SLC2A8: variants seen among roughly 807,000 people sequenced by gnomAD.
The protein encoded by SLC2A8 is solute carrier family 2 member 8.
SLC2A8 carries 53 observed loss-of-function variants against 49.2 expected under a neutral mutation model. That is an observed-to-expected ratio of 1.08 (90% CI 0.86 to 1.35). The LOEUF (loss-of-function observed/expected upper bound fraction) is 1.35. SLC2A8 is among the 40% of genes most tolerant of loss of function. The pLI is 0.00. For missense variants in SLC2A8, 688 were observed against 671.7 expected (o/e 1.02, Z -0.27); for synonymous variants, 299 against 297.0 (o/e 1.01, Z -0.07).
intron 3 of SLC2A8, among the ~76,000 whole-genome samples, chr9:127,398,943 A>G (rs1330747536): frequency 5.9e-5 from 9 of 152,228 alleles, no homozygotes; most frequent in Non-Finnish European, 1.5e-5. Context: ...CATTTCACCA[A>G]CGTTTGCTAA....
chr9:127,397,535 C>T lies in SLC2A8; in HGVS notation c.216C>T (p.Phe72=). The change falls in exon 2 of 10, where the codon TTC becomes TTT. Residue 72 remains phenylalanine (F), a synonymous_variant. Transcript: ENST00000373371. ...PRLDDAAASW[F]GAVVTLGAAA... ...TGGACGACGCCGCCGCCTCCTGGTT[C>T]GGGGTGAGGCCCCGGGCTCGCTCCT... 1.4e-6 allele frequency: 2 copies of T among 1,410,334 alleles called. No homozygotes were observed. The highest frequency in any genetic ancestry group is 1.5e-5 in the South Asian group (1 of 65,160). The allele number at this position is 1,410,334 out of a possible 1,614,324, so 87.4% of individuals were successfully genotyped here. A position where few individuals can be genotyped will look rare whatever the true frequency, so the allele number is the denominator to read the frequency against.
At chr9:127,405,379 TGCGGA>T (rs1455021944) in intron 8 of SLC2A8, 36 bp from the exon 9 acceptor site, 1 of 1,604,260 alleles carries the variant, frequency 6.2e-7, no homozygotes, top group South Asian at 1.1e-5. Flanking sequence ...AGCCCAGCCC[TGCGGA>T]CCCTGATGCC....
chr9:127,398,466 C>T, intron 3 of SLC2A8: 3 of 543,770 alleles, frequency 5.5e-6, no homozygotes, highest in East Asian at 4.0e-5. Context: ...GGAGCCCACT[C>T]CCTACATTTT....
intron 9 of SLC2A8, among the ~76,000 whole-genome samples, chr9:127,406,444 G>A (rs1019405260): frequency 4.6e-5 from 7 of 152,154 alleles, no homozygotes; most frequent in Non-Finnish European, 8.8e-5. Flanking sequence ...GAGGGGATGC[G>A]CAGCAAAGGA....
At chr9:127,404,301 A>T in intron 7 of SLC2A8, 2 of 449,462 alleles carry the variant, frequency 4.4e-6, no homozygotes, top group Admixed American at 8.0e-5. Flanking sequence ...AGGCACTCTC[A>T]CAGCCCCAGC....
chr9:127,399,827 C>G lies in SLC2A8; in HGVS notation c.427-80C>G. 1 of 1,221,376 alleles carries G rather than the reference C, an allele frequency of 8.2e-7. No individual in the cohort carries two copies. The highest frequency in any genetic ancestry group is 1.2e-6 in the Non-Finnish European group (1 of 838,180). The allele number at this position is 1,221,376 out of a possible 1,614,324, so 75.7% of individuals were successfully genotyped here. Reference sequence around the variant, plus strand: ...AACTCCCAACCTCTGGTGATCTGCCCGCCTCGGCCTCCCAGAGTGCTGGGA... The same window carrying G: ...AACTCCCAACCTCTGGTGATCTGCCGGCCTCGGCCTCCCAGAGTGCTGGGA... On this transcript the variant is annotated intron_variant, in intron 3 of 9. Transcript: ENST00000373371. This position sits in a 1 kb window ranked among gnomAD's most constrained non-coding sequence, Gnocchi z 4.2.
chr9:127,404,925 C>G lies in SLC2A8; in HGVS notation c.1084C>G (p.Gln362Glu), dbSNP rs369824077. 1.1e-5 allele frequency: 18 copies of G among 1,612,340 alleles called. No individual in the cohort carries two copies. Among genetic ancestry groups the G allele is most frequent in the Middle Eastern group, 1.7e-4 (1 of 6,060 alleles). The change falls in exon 8 of 10, where the codon CAG (glutamine) becomes GAG (glutamate). Residue 362 changes from glutamine (Q) to glutamate (E), a missense_variant. Transcript: ENST00000373371. ...HVAISAPVSA[Q>E]PVDASVGLAW... ...GGCCATCTCGGCGCCTGTCTCTGCA[C>G]AGCCTGTTGATGCCAGCGTGGGGCT...
intron 3 of SLC2A8, chr9:127,398,337 G>T: frequency 1.3e-6 from 1 of 777,882 alleles, no homozygotes; most frequent in Non-Finnish European, 2.4e-6. Flanking sequence ...TCGGAAAGGT[G>T]AAGTCCTTTG....
At position 127,397,481 on chromosome 9, in the gene SLC2A8, G is replaced by T. The variant is rs764773016; in HGVS notation, c.162G>T (p.Leu54=). ...ACAGCTCCCCGGCCATCCCTAGCCTGCAGCGCGCCGCGCCCCCGGCCCCGC... is the reference window on the plus strand; with the variant it reads ...ACAGCTCCCCGGCCATCCCTAGCCTTCAGCGCGCCGCGCCCCCGGCCCCGC... ...LGYSSPAIPS[L]QRAAPPAPRL... The change falls in exon 2 of 10, where the codon CTG becomes CTT. Residue 54 remains leucine (L), a synonymous_variant. Coordinates refer to ENST00000373371, the MANE Select transcript of SLC2A8 (RefSeq NM_014580.5). The T allele has an allele frequency of 3.0e-4, 441 of 1,472,044 alleles. No homozygotes were observed. The highest frequency in any genetic ancestry group is 3.6e-4 in the Non-Finnish European group (408 of 1,120,174). The allele number at this position is 1,472,044 out of a possible 1,614,324, so 91.2% of individuals were successfully genotyped here.
In SLC2A8 at chr9:127,403,950, CT is replaced by C; in HGVS notation, c.868-8del. ...CCCACCTGACCTGCCTGGGCTCTGTCTCCCCCAGGACAGCAGCCTGGCCTCG... is the reference window on the plus strand; with the variant it reads ...CCCACCTGACCTGCCTGGGCTCTGTCCCCCCAGGACAGCAGCCTGGCCTCG... On this transcript the variant is annotated splice_polypyrimidine_tract_variant and splice_region_variant and intron_variant, in intron 6 of 9. Transcript: ENST00000373371. 6.2e-7 allele frequency: 1 copy of C among 1,610,788 alleles called. No individual in the cohort carries two copies. The highest frequency in any genetic ancestry group is 8.5e-7 in the Non-Finnish European group (1 of 1,178,294).
At chr9:127,404,577 G>C (rs909601907) in intron 7 of SLC2A8, 2 of 527,218 alleles carry the variant, frequency 3.8e-6, no homozygotes, top group South Asian at 5.5e-5. Flanking sequence ...TGCTGCTTCT[G>C]TGCCGGTACC....
In SLC2A8 at chr9:127,399,838, C is replaced by T; in HGVS notation, c.427-69C>T. On this transcript the variant is annotated intron_variant, in intron 3 of 9. Coordinates refer to ENST00000373371, the MANE Select transcript of SLC2A8 (RefSeq NM_014580.5). This position sits in a 1 kb window ranked among gnomAD's most constrained non-coding sequence, Gnocchi z 4.2. Reference sequence around the variant, plus strand: ...TCTGGTGATCTGCCCGCCTCGGCCTCCCAGAGTGCTGGGATTGCAGGCATG... The same window carrying T: ...TCTGGTGATCTGCCCGCCTCGGCCTTCCAGAGTGCTGGGATTGCAGGCATG... The T allele has an allele frequency of 7.1e-7, 1 of 1,398,666 alleles. No homozygotes were observed. 86.6% of individuals were successfully genotyped at this position (1,398,666 alleles called of 1,614,324 possible). A position where few individuals can be genotyped will look rare whatever the true frequency, so the allele number is the denominator to read the frequency against.
intron 2 of SLC2A8, 114 bp downstream of exon 2, chr9:127,397,652 C>T (rs1833083869): frequency 3.1e-6 from 4 of 1,303,624 alleles, no homozygotes; most frequent in African/African-American, 1.6e-5. Context: ...CGGGCCCCGC[C>T]GCCACCACCT....
chr9:127,403,892 G>A (rs1326060962), intron 6 of SLC2A8, 67 bp from the exon 7 acceptor site: 3 of 1,599,388 alleles, frequency 1.9e-6, no homozygotes, highest in South Asian at 2.2e-5. Context: ...TCCAGCACAG[G>A]CCTGGAGAGG....
At chr9:127,404,182 A>C in intron 7 of SLC2A8, 115 bp downstream of exon 7, 2 of 701,134 alleles carry the variant, frequency 2.9e-6, no homozygotes, top group Non-Finnish European at 4.7e-6. Context: ...TCATGGACTA[A>C]TGCGGCCATG....
At chr9:127,405,705 T>G (rs1833469747) in intron 9 of SLC2A8, 140 bp downstream of exon 9, 20 of 1,206,570 alleles carry the variant, frequency 1.7e-5, no homozygotes, top group Middle Eastern at 1.9e-4. Flanking sequence ...CTGGCCATCT[T>G]GGGCAAGGCG....
intron 7 of SLC2A8, 122 bp from the exon 8 acceptor site, chr9:127,404,696 G>T: frequency 8.4e-7 from 1 of 1,189,488 alleles, no homozygotes; most frequent in East Asian, 2.6e-5. Flanking sequence ...CAAGGTGCCA[G>T]AACACCAAGC....
chr9:127,402,552 C>G lies in SLC2A8; in HGVS notation c.527-5C>G, dbSNP rs911647479. ...ACGCCAGCCTCCTCCACCCACCCCCCGCAGGCTGGGTGCTGGAGTGGCGCT... is the reference window on the plus strand; with the variant it reads ...ACGCCAGCCTCCTCCACCCACCCCCGGCAGGCTGGGTGCTGGAGTGGCGCT... On this transcript the variant is annotated splice_region_variant and splice_polypyrimidine_tract_variant and intron_variant, in intron 4 of 9. Coordinates refer to ENST00000373371, the MANE Select transcript of SLC2A8 (RefSeq NM_014580.5). 4.6e-6 allele frequency: 7 copies of G among 1,528,338 alleles called. No individual in the cohort carries two copies. Among genetic ancestry groups the G allele is most frequent in the East Asian group, 2.4e-5 (1 of 41,546 alleles). The allele number at this position is 1,528,338 out of a possible 1,614,324, so 94.7% of individuals were successfully genotyped here. A position where few individuals can be genotyped will look rare whatever the true frequency, so the allele number is the denominator to read the frequency against.
intron 4 of SLC2A8, chr9:127,402,290 T>G: frequency 2.3e-6 from 1 of 434,022 alleles, no homozygotes; most frequent in Non-Finnish European, 4.0e-6. Flanking sequence ...CCTTCATTTT[T>G]GTGGCTACAT....
Sources: allele counts gnomAD v4.1 joint callset (sites outside exome capture counted in the v4.1 genomes callset), GRCh38; gene constraint gnomAD v4.1.1; non-coding constraint Gnocchi (gnomAD v3.1); transcripts MANE v1.5; gene names NCBI Gene and HGNC (gene_info 2026-07-23, HGNC 2026-07-21).